The following NUP93 variants were observed in gnomAD, a reference collection of about 807,000 sequenced individuals.
NUP93 encodes nuclear pore complex protein Nup93.
NUP93 carries 55 observed loss-of-function variants against 107.8 expected under a neutral mutation model. That is an observed-to-expected ratio of 0.51 (90% confidence interval 0.41 to 0.64). The LOEUF (loss-of-function observed/expected upper bound fraction) is 0.64. Among genes scored for constraint, NUP93 ranks in the 30% least tolerant of loss-of-function variants. The probability of loss-of-function intolerance (pLI) is 0.00; values close to 1 mark genes in which losing one functional copy is unlikely to be tolerated. For synonymous variants in NUP93, 390 were observed against 397.5 expected, an observed-to-expected ratio of 0.98 and a Z score of 0.22; for missense variants, 937 against 1,044.7, an observed-to-expected ratio of 0.90 and a Z score of 1.42.
chr16:56,753,087 A>G (rs1411875511), intron 2 of NUP93, among the ~76,000 whole-genome samples: 3 of 152,104 alleles, frequency 2.0e-5, no homozygotes, highest in African/African-American at 7.2e-5. Context: ...CTAAAACAAA[A>G]CTCATTGATC....
chr16:56,776,555 A>C (rs1962420664), intron 3 of NUP93, among the ~76,000 whole-genome samples: 3 of 152,364 alleles, frequency 2.0e-5, no homozygotes, highest in South Asian at 4.1e-4. Context: ...AATTTAAAAT[A>C]GAATTTGTTT....
rs368646974 is a variant in NUP93, at chr16:56,834,505, C to T, written c.1737+63C>T. Reference sequence around the variant, plus strand: ...CAGTGTGCATGTCCCATGCTCATTCCGTATTGCGTGTTTACTTCAATATGG... The same window carrying T: ...CAGTGTGCATGTCCCATGCTCATTCTGTATTGCGTGTTTACTTCAATATGG... On this transcript the variant is annotated intron_variant, in intron 15 of 21. Coordinates refer to ENST00000308159, the MANE Select transcript of NUP93 (RefSeq NM_014669.5). 2.8e-5 allele frequency: 43 copies of T among 1,532,238 alleles called. 1 individual carries two copies. Among genetic ancestry groups the T allele is most frequent in the Middle Eastern group, 1.7e-4 (1 of 5,926 alleles). The allele number at this position is 1,532,238 out of a possible 1,614,324, so 94.9% of individuals were successfully genotyped here.
chr16:56,823,832 G>T lies in NUP93; in HGVS notation c.780G>T (p.Ala260=). The stretch of plus-strand genomic sequence containing the variant: ...TGGAGTTTGTCAGGCAGGCCTTGGC[G>T]TACCTTGAGCAGAGGTAAGGCAGCA... ...VRMEFVRQAL[A]YLEQSYKNYT... Residue 260 remains alanine (A), a synonymous_variant, in exon 8 of 22, where the codon GCG becomes GCT. Transcript: ENST00000308159. 6.2e-7 allele frequency: 1 copy of T among 1,613,908 alleles called. No homozygotes were observed. Among genetic ancestry groups the T allele is most frequent in the Non-Finnish European group, 8.5e-7 (1 of 1,179,990 alleles).
chr16:56,749,334 C>T (rs1441378961), intron 2 of NUP93, among the ~76,000 whole-genome samples: 1 of 152,190 alleles, frequency 6.6e-6, no homozygotes, highest in African/African-American at 2.4e-5. Flanking sequence ...TAGAGTTGAG[C>T]AACAAAGGCT....
chr16:56,788,749 G>A (rs1962685645), intron 3 of NUP93, among the ~76,000 whole-genome samples: 1 of 152,182 alleles, frequency 6.6e-6, no homozygotes, highest in African/African-American at 2.4e-5. Context: ...AGCAACAGAT[G>A]CGCTAAGCAG....
At chr16:56,789,605 G>A (rs1466591747) in intron 3 of NUP93, among the ~76,000 whole-genome samples, 13 of 152,230 alleles carry the variant, frequency 8.5e-5, no homozygotes, top group Non-Finnish European at 1.2e-4. Flanking sequence ...CTCTTACAGC[G>A]TCTGCTGCCA....
chr16:56,763,556 C>G (rs1236923633), intron 3 of NUP93, among the ~76,000 whole-genome samples: 1 of 150,984 alleles, frequency 6.6e-6, no homozygotes, highest in Non-Finnish European at 1.5e-5. Context: ...ATGCCCAACC[C>G]ATTCTTTTTT....
chr16:56,805,015 A>AT (rs1237168732), intron 4 of NUP93, among the ~76,000 whole-genome samples: 5 of 151,758 alleles, frequency 3.3e-5, no homozygotes, highest in Admixed American at 2.6e-4. Flanking sequence ...TTATTTATTT[A>AT]TTTTTTTGGA....
chr16:56,790,212 A>AG (rs1226224038), intron 3 of NUP93, among the ~76,000 whole-genome samples: 5 of 152,250 alleles, frequency 3.3e-5, no homozygotes, highest in Admixed American at 6.5e-5. Context: ...TCCTTGCAGA[A>AG]GGAAATTCAG....
chr16:56,739,748 G>A (rs1453838795), intron 1 of NUP93, among the ~76,000 whole-genome samples: 12 of 116,458 alleles, frequency 1.0e-4, no homozygotes, highest in South Asian at 3.2e-4. Flanking sequence ...CCTCCCGGAC[G>A]GGGCGGCTGG....
chr16:56,754,253 A>G (rs969236331), intron 2 of NUP93, among the ~76,000 whole-genome samples: 19 of 152,062 alleles, frequency 1.2e-4, no homozygotes, highest in African/African-American at 4.1e-4. Flanking sequence ...GCCCCCTCCA[A>G]TGTTGAGGAT....
In NUP93 at chr16:56,830,617, T is replaced by A; in HGVS notation, c.1017T>A (p.Asn339Lys). Residue 339 changes from asparagine (N) to lysine (K), a missense_variant, in exon 10 of 22, where the codon AAT becomes AAA. Transcript: ENST00000308159. ...TGCTTGCCGCTTCACAGGTAGTTAA[T>A]CGAGCCCAGCACCAGCTGGGAGAGT... The part of the protein sequence containing the change: ...GDLLAASQVV[N>K]RAQHQLGEFK... 6.2e-7 allele frequency: 1 copy of A among 1,610,744 alleles called. No homozygotes were observed. The highest frequency in any genetic ancestry group is 1.1e-5 in the South Asian group (1 of 90,916).
Position 56,837,614 on chromosome 16 carries a change from G to A in NUP93, c.1906G>A (p.Asp636Asn). The A allele has an allele frequency of 2.5e-6, 4 of 1,613,488 alleles. No homozygotes were observed. Among genetic ancestry groups the A allele is most frequent in the Non-Finnish European group, 3.4e-6 (4 of 1,179,426 alleles). Residue 636 changes from aspartate (D) to asparagine (N), a missense_variant, in exon 18 of 22, where the codon GAC (aspartate) becomes AAC (asparagine). Asp to Asn is a conservative substitution (Grantham distance 23). Transcript: ENST00000308159. ...AKLYDLAKNA[D>N]KVLELMNKLL... is the part of the protein sequence containing the mutation. Reference sequence around the variant, plus strand: ...ATTTTAAAAACTTGAGCAGAATGCTGACAAGGTACTGGAGCTGATGAACAA... The same window carrying A: ...ATTTTAAAAACTTGAGCAGAATGCTAACAAGGTACTGGAGCTGATGAACAA...
At chr16:56,739,940 C>T (rs1567371849) in intron 1 of NUP93, among the ~76,000 whole-genome samples, 1 of 101,898 alleles carries the variant, frequency 9.8e-6, no homozygotes, top group African/African-American at 4.2e-5. Flanking sequence ...GCTGGCCGGG[C>T]GGGGGGCCGA....
At chr16:56,839,233 CTTTTTTTTTTT>C (rs71152206) in intron 19 of NUP93, 164 bp downstream of exon 19, 3 of 52,832 alleles carry the variant, frequency 5.7e-5, no homozygotes, top group East Asian at 5.7e-4. Flanking sequence ...TCCTGTGTGG[CTTTTTTTTTTT>C]TTTTTTTTTT....
At chr16:56,759,323 TA>T (rs1962083860) in intron 3 of NUP93, among the ~76,000 whole-genome samples, 1 of 152,258 alleles carries the variant, frequency 6.6e-6, no homozygotes, top group Non-Finnish European at 1.5e-5. Flanking sequence ...GGCACCATTT[TA>T]TTTTTTTATC....
intron 20 of NUP93, among the ~76,000 whole-genome samples, chr16:56,841,087 G>A (rs1964016238): frequency 6.6e-6 from 1 of 152,160 alleles, no homozygotes; most frequent in Non-Finnish European, 1.5e-5. Context: ...GGTACACACA[G>A]TTCAGAAGGT....
chr16:56,844,441 A>G (rs1266109768), intron 21 of NUP93, 58 bp from the exon 22 acceptor site: 13 of 1,034,388 alleles, frequency 1.3e-5, no homozygotes, highest in Admixed American at 2.8e-5. Context: ...AGAATATGGA[A>G]TAGTGCCCTG....
intron 3 of NUP93, among the ~76,000 whole-genome samples, chr16:56,764,218 C>T (rs1177396451): frequency 2.0e-5 from 3 of 152,106 alleles, no homozygotes; most frequent in East Asian, 3.9e-4. Context: ...TGGCCGGATG[C>T]GGTGGCCCAC....
Sources: allele counts gnomAD v4.1 joint callset (sites outside exome capture counted in the v4.1 genomes callset), GRCh38; gene constraint gnomAD v4.1.1; transcripts MANE v1.5; gene names NCBI Gene and HGNC (gene_info 2026-07-23, HGNC 2026-07-21).